STXBP5L: variants seen among roughly 807,000 people sequenced by gnomAD.
STXBP5L encodes the protein syntaxin-binding protein 5-like.
A neutral mutation model predicts 144.5 loss-of-function variants in STXBP5L; 65 were observed. The observed-to-expected ratio is 0.45, with a 90% confidence interval of 0.37 to 0.55. The LOEUF (loss-of-function observed/expected upper bound fraction) is 0.55. Ranked by LOEUF, STXBP5L falls within the 20% of genes least tolerant of loss-of-function variation. The pLI, the probability that STXBP5L is intolerant of heterozygous loss-of-function variation, is 0.00. For synonymous variants in STXBP5L, 505 were observed against 469.6 expected (o/e 1.08, Z -0.97); for missense variants, 1,298 against 1,405.5 (o/e 0.92, Z 1.22).
chr3:120,932,464 A>G (rs1401307370), intron 2 of STXBP5L, among the ~76,000 whole-genome samples: 1 of 152,188 alleles, frequency 6.6e-6, no homozygotes, highest in African/African-American at 2.4e-5. Flanking sequence ...GAGTAGTTCA[A>G]CCCAGCAAAT....
intron 20 of STXBP5L, among the ~76,000 whole-genome samples, chr3:121,354,253 A>G (rs1414105211): frequency 1.3e-5 from 2 of 152,088 alleles, no homozygotes; most frequent in African/African-American, 2.4e-5. Context: ...CTTCTGTCTC[A>G]TTGATCTGCC....
intron 4 of STXBP5L, among the ~76,000 whole-genome samples, chr3:121,045,165 T>C (rs929968868): frequency 2.0e-4 from 31 of 152,082 alleles, no homozygotes; most frequent in African/African-American, 7.5e-4. Flanking sequence ...GCCATAACAG[T>C]GCTATAATAA....
intron 3 of STXBP5L, among the ~76,000 whole-genome samples, chr3:120,989,545 G>A (rs938464630): frequency 2.8e-4 from 43 of 152,022 alleles, no homozygotes; most frequent in South Asian, 2.1e-4. Flanking sequence ...TTAACCTGTC[G>A]GATGCATAGT....
chr3:121,415,748 A>G (rs1333725340), intron 24 of STXBP5L, 109 bp from the exon 25 acceptor site: 1 of 607,650 alleles, frequency 1.6e-6, no homozygotes, highest in African/African-American at 1.9e-5. Context: ...AATATATGAA[A>G]AGCAGACTGT....
chr3:121,035,288 G>A (rs1946674433), intron 3 of STXBP5L, among the ~76,000 whole-genome samples: 2 of 152,056 alleles, frequency 1.3e-5, no homozygotes, highest in Non-Finnish European at 2.9e-5. Context: ...CTTTGCCTAG[G>A]CCAATGTCCA....
chr3:120,929,861 C>T (rs1251645953), intron 2 of STXBP5L, among the ~76,000 whole-genome samples: 1 of 151,820 alleles, frequency 6.6e-6, no homozygotes, highest in Non-Finnish European at 1.5e-5. Flanking sequence ...GATTATTTTC[C>T]AGTATACTTA....
At chr3:121,335,829 TG>T (rs1255240761) in intron 20 of STXBP5L, among the ~76,000 whole-genome samples, 2 of 152,136 alleles carry the variant, frequency 1.3e-5, no homozygotes, top group African/African-American at 4.8e-5. Context: ...GAAGTCAAGC[TG>T]GGCAGTATCA....
At chr3:121,152,635 T>G in intron 8 of STXBP5L, 75 bp downstream of exon 8, 1 of 1,105,018 alleles carries the variant, frequency 9.0e-7, no homozygotes, top group East Asian at 2.6e-5. Context: ...AGCTTTGCAC[T>G]TTACCAGTAT....
At chr3:120,959,556 A>C (rs1049835038) in intron 3 of STXBP5L, among the ~76,000 whole-genome samples, 3 of 152,238 alleles carry the variant, frequency 2.0e-5, no homozygotes, top group Non-Finnish European at 4.4e-5. Context: ...AAACAGAGAT[A>C]TAGACCAATG....
At chr3:121,241,219 G>A (rs1022836450) in intron 14 of STXBP5L, among the ~76,000 whole-genome samples, 6 of 152,076 alleles carry the variant, frequency 3.9e-5, no homozygotes, top group African/African-American at 9.7e-5. Context: ...TAGAGCTAAA[G>A]AAGCTAGTAA....
chr3:121,024,144 C>T (rs1459211224), intron 3 of STXBP5L, among the ~76,000 whole-genome samples: 3 of 152,116 alleles, frequency 2.0e-5, no homozygotes, highest in African/African-American at 7.2e-5. Context: ...AGGCCACAGA[C>T]TTGGAGAAAA....
intron 3 of STXBP5L, among the ~76,000 whole-genome samples, chr3:120,978,752 T>C (rs1050824887): frequency 6.6e-5 from 10 of 152,220 alleles, no homozygotes; most frequent in Non-Finnish European, 5.9e-5. Context: ...TTGTTAGTTT[T>C]CCTTCTAACA....
At position 121,104,280 on chromosome 3, in the gene STXBP5L, C is replaced by G. The variant is rs560127202; in HGVS notation, c.471-10645C>G. 7.9e-5 allele frequency among the ~76,000 whole-genome samples: 12 copies of G among 152,252 alleles called. No individual in the cohort carries two copies. The South Asian group carries it at 2.3e-3, about 29-fold the overall frequency. On this transcript the variant is annotated intron_variant, in intron 5 of 26. Transcript: ENST00000471454. ...AACAAGTAGAAACACATCTCATGCTCATGGATGGGTAGAATCAATATTGTG... is the reference window on the plus strand; with the variant it reads ...AACAAGTAGAAACACATCTCATGCTGATGGATGGGTAGAATCAATATTGTG...
At chr3:121,057,760 A>G (rs530462191) in intron 5 of STXBP5L, among the ~76,000 whole-genome samples, 1 of 151,956 alleles carries the variant, frequency 6.6e-6, no homozygotes, top group East Asian at 1.9e-4. Context: ...TTGCATTTCT[A>G]TTTTTTATAA....
chr3:121,008,006 G>C (rs966300180), intron 3 of STXBP5L, among the ~76,000 whole-genome samples: 1 of 151,916 alleles, frequency 6.6e-6, no homozygotes, highest in Admixed American at 6.6e-5. Context: ...GGTTGTAATA[G>C]ATATTTATCA....
chr3:121,089,436 TG>T (rs1311028960), intron 5 of STXBP5L, among the ~76,000 whole-genome samples: 6 of 151,974 alleles, frequency 3.9e-5, no homozygotes, highest in African/African-American at 1.2e-4. Flanking sequence ...TACTTCCTCC[TG>T]GTCTCTGTGG....
chr3:121,210,285 G>A lies in STXBP5L; in HGVS notation c.956+4284G>A, dbSNP rs565991620. Among the ~76,000 whole-genome samples, 4 of 150,452 alleles carry A rather than the reference G, an allele frequency of 2.7e-5. No homozygotes were observed. In the East Asian group the frequency reaches 7.7e-4, roughly 29 times the overall value. ...TGCCCATTTTTTGATGGAGTTGTTT[G>A]TTTTTTTCTTGTAAATTTAAGTTCA... is the stretch of plus-strand genomic sequence containing the variant. On this transcript the variant is annotated intron_variant, in intron 10 of 26. Transcript: ENST00000471454.
At chr3:121,062,663 T>A (rs1015529308) in intron 5 of STXBP5L, among the ~76,000 whole-genome samples, 1 of 152,242 alleles carries the variant, frequency 6.6e-6, no homozygotes, top group Non-Finnish European at 1.5e-5. Context: ...ATAGGTTAGG[T>A]CTTTTCACAT....
Position 121,051,263 on chromosome 3 carries a change from CCA to C in STXBP5L, c.470+5729_470+5730del, listed in dbSNP as rs200389190. 7.8e-3 allele frequency among the ~76,000 whole-genome samples: 1,191 copies of C among 152,238 alleles called. 11 individuals carry two copies. Among genetic ancestry groups the C allele is most frequent in the African/African-American group, 0.028 (1,148 of 41,514 alleles). On this transcript the variant is annotated intron_variant, in intron 5 of 26. Transcript: ENST00000471454. ...ATAGACATCTACAGAACTCTCCACC[CCA>C]AATCAACAGAATATACATTTTTTTT...
Sources: allele counts gnomAD v4.1 joint callset (sites outside exome capture counted in the v4.1 genomes callset), GRCh38; gene constraint gnomAD v4.1.1; transcripts MANE v1.5; gene names NCBI Gene and HGNC (gene_info 2026-07-23, HGNC 2026-07-21).